Variants in EXD2 observed in about 807,000 individuals in gnomAD.
EXD2 encodes the protein exonuclease 3'-5' domain-containing protein 2.
Under a neutral mutation model 62.5 loss-of-function variants are expected in EXD2, and 40 were observed. The observed-to-expected ratio is 0.64, with a 90% CI of 0.50 to 0.83. The LOEUF is 0.83. Ranked by LOEUF, EXD2 falls within the 40% of genes least tolerant of loss-of-function variation. EXD2 has a pLI of 0.00. For missense variants in EXD2, 671 were observed against 761.8 expected, an observed-to-expected ratio of 0.88 and a Z score of 1.40; for synonymous variants, 239 against 291.9, an observed-to-expected ratio of 0.82 and a Z score of 1.85.
chr14:69,202,729 T>C (rs1290166669), intron 1 of EXD2, among the ~76,000 whole-genome samples: 2 of 152,326 alleles, frequency 1.3e-5, no homozygotes, highest in African/African-American at 4.8e-5. Context: ...AAAACAAATA[T>C]TCAGTTTTTT....
chr14:69,206,681 C>T (rs1435359081), intron 2 of EXD2, among the ~76,000 whole-genome samples: 1 of 151,090 alleles, frequency 6.6e-6, no homozygotes, highest in African/African-American at 2.4e-5. Context: ...GGGGTTTCAC[C>T]ATGTTGCCCA....
chr14:69,230,611 A>C lies in EXD2; in HGVS notation c.717+13A>C, dbSNP rs2043540666. 14 of 1,588,396 alleles carry C rather than the reference A, an allele frequency of 8.8e-6. No individual in the cohort carries two copies. Among genetic ancestry groups the C allele is most frequent in the Non-Finnish European group, 1.2e-5 (14 of 1,169,984 alleles). ...CACAGAGGACCAGGTACTTCTTATC[A>C]GAGTAGTTGAAGAATGGAAAGTCAT... On this transcript the variant is annotated intron_variant, in intron 5 of 9. Transcript: ENST00000685843.
intron 1 of EXD2, among the ~76,000 whole-genome samples, chr14:69,199,677 T>A (rs2042323869): frequency 2.0e-5 from 3 of 152,066 alleles, no homozygotes; most frequent in Admixed American, 2.0e-4. Flanking sequence ...AGCTTAGACA[T>A]ACACAGAGTC....
chr14:69,219,497 T>G (rs560398915), intron 3 of EXD2, among the ~76,000 whole-genome samples: 13 of 152,350 alleles, frequency 8.5e-5, no homozygotes, highest in African/African-American at 3.1e-4. Context: ...TTATTTCACT[T>G]GGGTATATAT....
chr14:69,223,320 G>A (rs1391018381), intron 3 of EXD2, among the ~76,000 whole-genome samples: 1 of 152,060 alleles, frequency 6.6e-6, no homozygotes, highest in Non-Finnish European at 1.5e-5. Context: ...AACTTAACAT[G>A]TTCCTAACAG....
intron 2 of EXD2, among the ~76,000 whole-genome samples, chr14:69,204,398 G>A (rs1405597150): frequency 6.6e-6 from 1 of 151,956 alleles, no homozygotes; most frequent in South Asian, 2.1e-4. Context: ...AGTGTGACCC[G>A]CATCTCTACA....
chr14:69,229,917 G>T (rs1412907115), intron 4 of EXD2, among the ~76,000 whole-genome samples: 1 of 152,076 alleles, frequency 6.6e-6, no homozygotes, highest in Non-Finnish European at 1.5e-5. Context: ...TAGTTTGTTA[G>T]TTTGGCTTAT....
At chr14:69,237,133 A>G (rs865781302) in intron 8 of EXD2, among the ~76,000 whole-genome samples, 1 of 152,250 alleles carries the variant, frequency 6.6e-6, no homozygotes, top group African/African-American at 2.4e-5. Flanking sequence ...GAAAATAATG[A>G]TGAACCTGGT....
intron 6 of EXD2, 150 bp from the exon 7 acceptor site, chr14:69,235,896 G>T: frequency 1.4e-6 from 1 of 721,902 alleles, no homozygotes; most frequent in Non-Finnish European, 2.5e-6. Flanking sequence ...GATTAAACAT[G>T]GTTTCTCACT....
chr14:69,239,458 C>T (rs1394557745), intron 9 of EXD2, among the ~76,000 whole-genome samples: 2 of 152,242 alleles, frequency 1.3e-5, no homozygotes, highest in Non-Finnish European at 2.9e-5. Flanking sequence ...TTACTCTTAT[C>T]CATTACTACT....
intron 3 of EXD2, among the ~76,000 whole-genome samples, chr14:69,222,903 A>G (rs955706474): frequency 2.0e-5 from 3 of 152,236 alleles, no homozygotes; most frequent in Admixed American, 1.3e-4. Flanking sequence ...ATTTGGCTTC[A>G]GTTGAAAAGA....
intron 4 of EXD2, 113 bp from the exon 5 acceptor site, chr14:69,230,359 T>C (rs2140008844): frequency 1.7e-6 from 1 of 601,428 alleles, no homozygotes; most frequent in East Asian, 2.8e-5. Context: ...CTTCGATTTC[T>C]AGTGAGATTC....
At position 69,230,558 on chromosome 14, in the gene EXD2, G is replaced by C. The variant is rs200378483; in HGVS notation, c.677G>C (p.Arg226Pro). ...CCCCTTGACAAGTCCCTTCTACTTC[G>C]TTGCAGCAACTGGGATGCTGAGACT... ...NFPLDKSLLL[R>P]CSNWDAETLT... The change falls in exon 5 of 10, where the codon CGT (arginine) becomes CCT (proline). Residue 226 changes from arginine (R) to proline (P), a missense_variant. By Grantham distance (103) the Arg-to-Pro change is moderately radical. Coordinates refer to ENST00000685843, the MANE Select transcript of EXD2 (RefSeq NM_001193360.2). 1 of 1,613,794 alleles carries C rather than the reference G, an allele frequency of 6.2e-7. No individual in the cohort carries two copies. Among genetic ancestry groups the C allele is most frequent in the South Asian group, 1.1e-5 (1 of 91,050 alleles).
chr14:69,232,197 T>C (rs1178446663), intron 5 of EXD2, among the ~76,000 whole-genome samples: 2 of 152,214 alleles, frequency 1.3e-5, no homozygotes, highest in Non-Finnish European at 2.9e-5. Context: ...TTTAAACTTT[T>C]ACTGTCTTTT....
intron 3 of EXD2, among the ~76,000 whole-genome samples, chr14:69,219,596 A>G (rs2043101642): frequency 6.6e-6 from 1 of 152,182 alleles, no homozygotes; most frequent in Admixed American, 6.5e-5. Flanking sequence ...ATGTATTTAT[A>G]GTTTTCTGTG....
chr14:69,225,537 G>A (rs2043328428), intron 3 of EXD2, among the ~76,000 whole-genome samples: 1 of 152,094 alleles, frequency 6.6e-6, no homozygotes, highest in South Asian at 2.1e-4. Context: ...AGTATTATAT[G>A]TGCGTAATTT....
intron 1 of EXD2, among the ~76,000 whole-genome samples, chr14:69,201,717 C>T (rs564772603): frequency 1.9e-5 from 2 of 107,132 alleles, no homozygotes; most frequent in African/African-American, 3.8e-5. Context: ...GAGTCTTGCT[C>T]TGTTGCCCAG....
chr14:69,237,373 C>T (rs1341495096), intron 8 of EXD2, among the ~76,000 whole-genome samples: 2 of 152,170 alleles, frequency 1.3e-5, no homozygotes, highest in African/African-American at 4.8e-5. Context: ...TACTTACTTG[C>T]AGGAGAGAGG....
chr14:69,241,505 C>T lies in EXD2; in HGVS notation c.*405C>T, dbSNP rs2043983407. ...CTCTAACAGGGGCTGTCCAGTATATCGGTCCTGTTAGGAGGGGAGAAAAAG... is the reference window on the plus strand; with the variant it reads ...CTCTAACAGGGGCTGTCCAGTATATTGGTCCTGTTAGGAGGGGAGAAAAAG... On this transcript the variant is annotated 3_prime_UTR_variant, in exon 10 of 10. Coordinates refer to ENST00000685843, the MANE Select transcript of EXD2 (RefSeq NM_001193360.2). The T allele has an allele frequency of 1.6e-5, 4 of 252,326 alleles. No homozygotes were observed. Among genetic ancestry groups the T allele is most frequent in the Non-Finnish European group, 3.0e-5 (4 of 133,162 alleles). The allele number at this position is 252,326 out of a possible 1,614,324, so 15.6% of individuals were successfully genotyped here. A position where few individuals can be genotyped will look rare whatever the true frequency, so the allele number is the denominator to read the frequency against.
Sources: gnomAD v4.1 joint callset for allele counts (sites outside exome capture counted in the v4.1 genomes callset) on GRCh38, gnomAD v4.1.1 for gene constraint, MANE v1.5 for transcripts, NCBI Gene and HGNC (gene_info 2026-07-23, HGNC 2026-07-21) for gene names.